TMEM170A: variants seen among roughly 807,000 people sequenced by gnomAD.
TMEM170A encodes transmembrane protein 170A.
In TMEM170A, 18 loss-of-function variants were observed where a neutral mutation model predicts 12.8. That is an observed-to-expected ratio of 1.41 (90% CI 0.97 to 2.09). TMEM170A has a LOEUF of 2.09. Ranked by LOEUF, TMEM170A falls within the 30% of genes most tolerant of loss-of-function variation. The pLI, the probability that TMEM170A is intolerant of heterozygous loss-of-function variation, is 0.00. For missense variants in TMEM170A, 220 were observed against 179.9 expected, an observed-to-expected ratio of 1.22 and a Z score of -1.28; for synonymous variants, 107 against 76.2, an observed-to-expected ratio of 1.40 and a Z score of -2.11.
chr16:75,464,160 C>A (rs1295328331), intron 1 of TMEM170A: 11 of 1,443,114 alleles, frequency 7.6e-6, no homozygotes, highest in South Asian at 7.4e-5. Context: ...AGCTCTGAAC[C>A]TGAGGCGCTC....
chr16:75,449,486 T>C (rs2079643872), intron 2 of TMEM170A, among the ~76,000 whole-genome samples: 1 of 152,064 alleles, frequency 6.6e-6, no homozygotes, highest in Non-Finnish European at 1.5e-5. Context: ...GGCTATTTTA[T>C]TTATTTATTT....
At chr16:75,455,535 A>G (rs1597446782) in intron 1 of TMEM170A, among the ~76,000 whole-genome samples, 1 of 152,090 alleles carries the variant, frequency 6.6e-6, no homozygotes, top group East Asian at 1.9e-4. Context: ...TATTTAATAA[A>G]TAATTATTAG....
At chr16:75,452,014 C>T (rs761435507) in intron 1 of TMEM170A, among the ~76,000 whole-genome samples, 175 bp from the exon 2 acceptor site, 2 of 152,188 alleles carry the variant, frequency 1.3e-5, no homozygotes, top group Admixed American at 6.5e-5. Context: ...CTCTGTCACC[C>T]AGGCTGGAGT....
chr16:75,460,800 G>C (rs567932350), intron 1 of TMEM170A, among the ~76,000 whole-genome samples: 32 of 152,284 alleles, frequency 2.1e-4, no homozygotes, highest in Non-Finnish European at 3.5e-4. Flanking sequence ...AATATTTTTT[G>C]AGTGAATGAA....
Position 75,447,726 on chromosome 16 carries a change from AACG to A in TMEM170A, c.305-41_305-39del, listed in dbSNP as rs386792181. On this transcript the variant is annotated intron_variant, in intron 2 of 2. Transcript: ENST00000561878. The stretch of plus-strand genomic sequence containing the variant: ...GCAAGAATGTTAAACAAAAACAAAA[AACG>A]AAGGTTAACAAACTCACGAAAATAC... 2.2e-3 allele frequency: 3,395 copies of A among 1,561,186 alleles called. 61 individuals carry two copies. In the African/African-American group the frequency reaches 0.04, roughly 18 times the overall value.
At chr16:75,463,494 C>T (rs1212787711) in intron 1 of TMEM170A, among the ~76,000 whole-genome samples, 2 of 152,166 alleles carry the variant, frequency 1.3e-5, no homozygotes, top group Non-Finnish European at 2.9e-5. Context: ...CGCTGAACGG[C>T]GCCTGGCAGT....
chr16:75,454,934 A>T (rs1383219411), intron 1 of TMEM170A, among the ~76,000 whole-genome samples: 1 of 152,226 alleles, frequency 6.6e-6, no homozygotes, highest in Non-Finnish European at 1.5e-5. Flanking sequence ...GCAAGGACAG[A>T]GGTAACAAGA....
At chr16:75,451,080 G>A (rs866983811) in intron 2 of TMEM170A, among the ~76,000 whole-genome samples, 1 of 152,128 alleles carries the variant, frequency 6.6e-6, no homozygotes, top group Non-Finnish European at 1.5e-5. Flanking sequence ...GATCAGAGAG[G>A]AGAAGTAGCT....
At chr16:75,455,070 T>C (rs1382880503) in intron 1 of TMEM170A, among the ~76,000 whole-genome samples, 1 of 152,060 alleles carries the variant, frequency 6.6e-6, no homozygotes, top group Non-Finnish European at 1.5e-5. Context: ...AAATATGCAA[T>C]AGATGGGCTG....
chr16:75,451,896 G>T, intron 1 of TMEM170A, 57 bp from the exon 2 acceptor site: 1 of 1,480,040 alleles, frequency 6.8e-7, no homozygotes, highest in Non-Finnish European at 9.3e-7. Flanking sequence ...GACAATCATT[G>T]CAGAGGGTAC....
rs548831759 is a variant in TMEM170A, at chr16:75,446,427, T to C, written c.*1131A>G. On this transcript the variant is annotated 3_prime_UTR_variant, in exon 3 of 3. Coordinates refer to ENST00000561878, the MANE Select transcript of TMEM170A (RefSeq NM_145254.3). The stretch of plus-strand genomic sequence containing the variant: ...CTAAAATTAAGTTTTAAAAAAACTC[T>C]TGATATTTAAATCTCTTTAAAGATA... 71 of 152,346 alleles carry C rather than the reference T, an allele frequency of 4.7e-4. No individual in the cohort carries two copies. The highest frequency in any genetic ancestry group is 9.4e-4 in the Non-Finnish European group (64 of 68,034). The allele number at this position is 152,346 out of a possible 1,614,324, so 9.4% of individuals were successfully genotyped here.
intron 1 of TMEM170A, chr16:75,458,292 G>C (rs963260414): frequency 1.3e-5 from 2 of 152,182 alleles, no homozygotes; most frequent in African/African-American, 4.8e-5. Context: ...TAAGCATTGT[G>C]GTAGAATGGG....
At chr16:75,453,606 A>G (rs1597443831) in intron 1 of TMEM170A, among the ~76,000 whole-genome samples, 1 of 152,242 alleles carries the variant, frequency 6.6e-6, no homozygotes, top group Admixed American at 6.5e-5. Flanking sequence ...TCATTCCACA[A>G]TCATTTGAAA....
chr16:75,464,495 T>C lies in TMEM170A; in HGVS notation c.106A>G (p.Asn36Asp), dbSNP rs1451936078. The change falls in exon 1 of 3, where the codon AAC (asparagine) becomes GAC (aspartate). Residue 36 changes from asparagine (N) to aspartate (D), a missense_variant. Physicochemically the swap from Asn to Asp is conservative, Grantham distance 23. Coordinates refer to ENST00000561878, the MANE Select transcript of TMEM170A (RefSeq NM_145254.3). ...GGGAAGGAGCAGAGGGAAGTAGAGTTGGGGCACAGGGTCCCGTTGCCCACC... is the reference window on the plus strand; with the variant it reads ...GGGAAGGAGCAGAGGGAAGTAGAGTCGGGGCACAGGGTCCCGTTGCCCACC... ...PRVGNGTLCPNSTSLCSFPEM... is the reference protein window; with the variant it reads ...PRVGNGTLCPDSTSLCSFPEM... 37 of 1,575,130 alleles carry C rather than the reference T, an allele frequency of 2.3e-5. No homozygotes were observed. Among genetic ancestry groups the C allele is most frequent in the Non-Finnish European group, 3.2e-5 (37 of 1,164,116 alleles).
In TMEM170A at chr16:75,451,656, A is replaced by T; in HGVS notation, c.304+13T>A. 2 of 1,613,798 alleles carry T rather than the reference A, an allele frequency of 1.2e-6. No individual in the cohort carries two copies. The highest frequency in any genetic ancestry group is 1.7e-6 in the Non-Finnish European group (2 of 1,179,690). ...TTAAACATTTTTGACTGGTATTTTA[A>T]TGTCTAACATACTTGTCAAGATTCC... On this transcript the variant is annotated intron_variant, in intron 2 of 2. Transcript: ENST00000561878.
intron 1 of TMEM170A, among the ~76,000 whole-genome samples, chr16:75,460,284 A>T (rs1029888017): frequency 6.6e-6 from 1 of 152,186 alleles, no homozygotes; most frequent in Non-Finnish European, 1.5e-5. Flanking sequence ...ATAGTTGTAT[A>T]ACTCTGTAAA....
Position 75,464,339 on chromosome 16 carries a change from C to G in TMEM170A, c.133+129G>C, listed in dbSNP as rs1236232336. 13 of 1,378,366 alleles carry G rather than the reference C, an allele frequency of 9.4e-6. No homozygotes were observed. In the East Asian group the frequency reaches 1.3e-4, roughly 13 times the overall value. 85.4% of individuals were successfully genotyped at this position (1,378,366 alleles called of 1,614,324 possible). On this transcript the variant is annotated intron_variant, in intron 1 of 2. Coordinates refer to ENST00000561878, the MANE Select transcript of TMEM170A (RefSeq NM_145254.3). The stretch of plus-strand genomic sequence containing the variant: ...GGCTCCGGGCGAGCAGCACGGCCCC[C>G]CTCCCGGAGGACAGCGCCCACGCCG...
intron 1 of TMEM170A, among the ~76,000 whole-genome samples, chr16:75,455,359 A>AAAAG (rs2079772692): frequency 6.6e-6 from 1 of 150,932 alleles, no homozygotes; most frequent in Non-Finnish European, 1.5e-5. Context: ...ACTGTCTCAA[A>AAAAG]AAAAAAAAAA....
intron 1 of TMEM170A, among the ~76,000 whole-genome samples, chr16:75,459,360 G>A (rs973660440): frequency 6.6e-6 from 1 of 152,134 alleles, no homozygotes; most frequent in African/African-American, 2.4e-5. Flanking sequence ...CCCAACCAAG[G>A]CCTCATGACC....
Sources: allele counts gnomAD v4.1 joint callset (sites outside exome capture counted in the v4.1 genomes callset), GRCh38; gene constraint gnomAD v4.1.1; transcripts MANE v1.5; gene names NCBI Gene and HGNC (gene_info 2026-07-23, HGNC 2026-07-21).